Variants in PIF1 observed in about 807,000 individuals in gnomAD.
PIF1 encodes the protein PIF1 5'-to-3' DNA helicase, also known as ATP-dependent DNA helicase PIF1.
Under a neutral mutation model 62.3 loss-of-function variants are expected in PIF1, and 67 were observed. The ratio of observed to expected loss-of-function variants is 1.08; its 90% CI spans 0.88 to 1.32. The LOEUF (loss-of-function observed/expected upper bound fraction) is 1.32. PIF1 is among the 40% of genes most tolerant of loss of function. The probability of loss-of-function intolerance (pLI) is 0.00; values close to 1 mark genes in which losing one functional copy is unlikely to be tolerated. For synonymous variants in PIF1, 364 were observed against 379.5 expected, an observed-to-expected ratio of 0.96 and a Z score of 0.47; for missense variants, 886 against 866.1, an observed-to-expected ratio of 1.02 and a Z score of -0.29.
At chr15:64,821,786 C>T (rs2084294155) in intron 4 of PIF1, 4 of 405,928 alleles carry the variant, frequency 9.9e-6, no homozygotes, top group Non-Finnish European at 1.8e-5. Flanking sequence ...GTCGCCCAGG[C>T]TCAAGTGCAG....
In PIF1 at chr15:64,815,949, C is replaced by T. The variant is rs1369480854; in HGVS notation, c.*349G>A. ...CTTCATTGCCTCTCCCTTCTGCAGC[C>T]TGAAAGGAGGGATGTTCAGGACTCT... On this transcript the variant is annotated 3_prime_UTR_variant, in exon 13 of 13. Transcript: ENST00000559239. 6.5e-7 allele frequency: 1 copy of T among 1,548,626 alleles called. No individual in the cohort carries two copies.
At chr15:64,819,022 T>C in intron 9 of PIF1, 95 bp downstream of exon 9, 1 of 868,002 alleles carries the variant, frequency 1.2e-6, no homozygotes, top group Non-Finnish European at 1.7e-6. Context: ...CTGGGCCCAC[T>C]GGCTGCAGAG....
chr15:64,823,256 T>C, intron 2 of PIF1: 1 of 150,312 alleles, frequency 6.7e-6, no homozygotes, highest in Non-Finnish European at 1.5e-5. Flanking sequence ...GCTCTCTCTT[T>C]TTTTTTTTTG....
rs2084169473 is a variant in PIF1, at chr15:64,815,726, G to C, written c.*572C>G. Reference sequence around the variant, plus strand: ...CAAACACTATTTATCCCCTGAAAAAGCAGCTTAAAATATGGGTGCACATTT... The same window carrying C: ...CAAACACTATTTATCCCCTGAAAAACCAGCTTAAAATATGGGTGCACATTT... On this transcript the variant is annotated 3_prime_UTR_variant, in exon 13 of 13. Transcript: ENST00000559239. The C allele has an allele frequency of 1.1e-5, 17 of 1,550,454 alleles. No individual in the cohort carries two copies. Among genetic ancestry groups the C allele is most frequent in the Non-Finnish European group, 1.4e-5 (16 of 1,147,006 alleles).
Position 64,821,080 on chromosome 15 carries a change from G to T in PIF1, c.1095C>A (p.Ser365Arg), listed in dbSNP as rs768773801. The T allele has an allele frequency of 1.2e-5, 20 of 1,613,924 alleles. No individual in the cohort carries two copies. Among genetic ancestry groups the T allele is most frequent in the Non-Finnish European group, 1.7e-5 (20 of 1,179,872 alleles). ...GGGTCACTGGCACACACCTCTTCCAGCTCTTGGACTGGTGGGGGCAGGGTG... is the reference window on the plus strand; with the variant it reads ...GGGTCACTGGCACACACCTCTTCCATCTCTTGGACTGGTGGGGGCAGGGTG... ...QPPRFCFQSKSWKRCVPVTLE... is the reference protein window; with the variant it reads ...QPPRFCFQSKRWKRCVPVTLE... Residue 365 changes from serine to arginine, a missense_variant, in exon 7 of 13, where the codon AGC becomes AGA. Coordinates refer to ENST00000559239, the MANE Select transcript of PIF1 (RefSeq NM_001286496.2).
At chr15:64,816,814 T>C in intron 11 of PIF1, 49 bp from the exon 12 acceptor site, 2 of 1,512,758 alleles carry the variant, frequency 1.3e-6, no homozygotes, top group Non-Finnish European at 8.9e-7. Context: ...TTAAGTCCCT[T>C]GCCCCGAAAG....
Position 64,823,930 on chromosome 15 carries a change from G to A in PIF1, c.406C>T (p.Arg136Ter), listed in dbSNP as rs1232204288. The change falls in exon 2 of 13, where the codon CGA (arginine) becomes TGA (stop). Residue 136 changes from arginine (R) to a stop codon, truncating the protein, a stop_gained. Coordinates refer to ENST00000559239, the MANE Select transcript of PIF1 (RefSeq NM_001286496.2). LOFTEE classifies it high-confidence loss of function. ...AAPGPGPASARAQLLGPRPRD... is the reference protein window; with the variant it reads ...AAPGPGPASA ...GGCCGCGGGCCCAGCAGCTGCGCTCGGGCGGAGGCCGGCCCGGGACCCGGG... is the reference window on the plus strand; with the variant it reads ...GGCCGCGGGCCCAGCAGCTGCGCTCAGGCGGAGGCCGGCCCGGGACCCGGG... 9 of 1,320,084 alleles carry A rather than the reference G, an allele frequency of 6.8e-6. No individual in the cohort carries two copies. The African/African-American group carries it at 1.1e-4, about 16-fold the overall frequency. 81.8% of individuals were successfully genotyped at this position (1,320,084 alleles called of 1,614,324 possible). A position where few individuals can be genotyped will look rare whatever the true frequency, so the allele number is the denominator to read the frequency against.
rs573460978 is a variant in PIF1 at position 64,822,000 on chromosome 15, A to G, written c.817+266T>C. The G allele has an allele frequency of 1.5e-3, 657 of 433,792 alleles. 4 individuals carry two copies. Among genetic ancestry groups the G allele is most frequent in the Admixed American group, 1.5e-3 (36 of 23,438 alleles). 26.9% of individuals were successfully genotyped at this position (433,792 alleles called of 1,614,324 possible). A position where few individuals can be genotyped will look rare whatever the true frequency, so the allele number is the denominator to read the frequency against. The stretch of plus-strand genomic sequence containing the variant: ...TGTGATCCGCCTGCCTCGGCCTCCC[A>G]AAGTGCTGGGATTACAGGCGTGAGC... On this transcript the variant is annotated intron_variant, in intron 4 of 12. Transcript: ENST00000559239.
At chr15:64,820,168 A>G (rs1027627943) in intron 7 of PIF1, 182 bp from the exon 8 acceptor site, 2 of 687,254 alleles carry the variant, frequency 2.9e-6, no homozygotes, top group South Asian at 1.9e-5. Context: ...GACCCCAAAC[A>G]TGGGGAATAA....
At position 64,816,623 on chromosome 15, in the gene PIF1, C is replaced by T. The variant is rs773939962; in HGVS notation, c.1817G>A (p.Arg606His). Residue 606 changes from arginine (R) to histidine (H), a missense_variant, in exon 12 of 13, where the codon CGT becomes CAT. Physicochemically the swap from Arg to His is conservative, Grantham distance 29. Coordinates refer to ENST00000559239, the MANE Select transcript of PIF1 (RefSeq NM_001286496.2). ...FDPMAVRCDP[R>H]VLHFYATLRR... is the part of the protein sequence containing the mutation. ...CAGGGTGGCATAGAAGTGCAGCACA[C>T]GGGGGTCACAGCGAACCGCCATGGG... is the stretch of plus-strand genomic sequence containing the variant. The T allele has an allele frequency of 2.5e-5, 40 of 1,614,040 alleles. No individual in the cohort carries two copies. Among genetic ancestry groups the T allele is most frequent in the South Asian group, 1.3e-4 (12 of 91,084 alleles).
intron 1 of PIF1, among the ~76,000 whole-genome samples, chr15:64,824,560 C>T (rs889586418): frequency 6.6e-6 from 1 of 152,092 alleles, no homozygotes; most frequent in African/African-American, 2.4e-5. Flanking sequence ...TTAGAATATG[C>T]CCTGGGCCGG....
At position 64,825,000 on chromosome 15, in the gene PIF1, C is replaced by T. The variant is rs1033879248; in HGVS notation, c.-20+569G>A. Among the ~76,000 whole-genome samples the T allele has an allele frequency of 2.5e-4, 38 of 149,226 alleles. No individual in the cohort carries two copies. The Middle Eastern group carries it at 0.014, about 55-fold the overall frequency. ...TATATATACAATTTCTATATATATA[C>T]ACACACACACACACACACATATACA... is the stretch of plus-strand genomic sequence containing the variant. On this transcript the variant is annotated intron_variant, in intron 1 of 12. Coordinates refer to ENST00000559239, the MANE Select transcript of PIF1 (RefSeq NM_001286496.2).
At chr15:64,826,663 T>TACAC (rs1243953652), upstream of PIF1, among the ~76,000 whole-genome samples, 2,053 of 27,122 alleles carry the variant, frequency 0.076, 25 homozygotes, top group Non-Finnish European at 0.11. Flanking sequence ...TATATATATA[T>TACAC]ATACACACAC....
intron 2 of PIF1, chr15:64,823,459 G>A: frequency 4.6e-6 from 1 of 219,348 alleles, no homozygotes; most frequent in Non-Finnish European, 8.9e-6. Flanking sequence ...TGTTGGCCAG[G>A]CTGGCCTCAG....
At chr15:64,822,762 C>T in intron 2 of PIF1, 152 bp from the exon 3 acceptor site, 1 of 1,198,338 alleles carries the variant, frequency 8.3e-7, no homozygotes, top group Non-Finnish European at 1.1e-6. Context: ...GAGAGCTTGC[C>T]AGCAACTATT....
intron 2 of PIF1, among the ~76,000 whole-genome samples, chr15:64,822,901 A>G (rs1047163984): frequency 2.0e-5 from 3 of 152,018 alleles, no homozygotes; most frequent in East Asian, 1.9e-4. Context: ...TCCTGTCACT[A>G]AAGTTTCCTT....
In PIF1 at chr15:64,824,275, C is replaced by G. The variant is rs1355389601; in HGVS notation, c.61G>C (p.Val21Leu). The G allele has an allele frequency of 1.0e-5, 13 of 1,279,204 alleles. No individual in the cohort carries two copies. Among genetic ancestry groups the G allele is most frequent in the Admixed American group, 4.0e-5 (1 of 25,180 alleles). The allele number at this position is 1,279,204 out of a possible 1,614,324, so 79.2% of individuals were successfully genotyped here. Residue 21 changes from valine to leucine, a missense_variant, in exon 2 of 13, where the codon GTG (valine) becomes CTG (leucine). By Grantham distance (32) the Val-to-Leu change is conservative. Transcript: ENST00000559239. ...EYEDSELRCR[V>L]AVEELSPGGQ... ...CCCGGGCTCAGCTCCTCCACAGCCA[C>G]GCGGCACCGCAGCTCCGAGTCCTCA...
chr15:64,821,084 T>G lies in PIF1; in HGVS notation c.1091A>C (p.Lys364Thr), dbSNP rs748001056. Residue 364 changes from lysine to threonine, a missense_variant, in exon 7 of 13, where the codon AAG (lysine) becomes ACG (threonine). Physicochemically the swap from Lys to Thr is moderately conservative, Grantham distance 78 (BLOSUM62 -1). Transcript: ENST00000559239. ...SQPPRFCFQS[K>T]SWKRCVPVTL... ...CACTGGCACACACCTCTTCCAGCTCTTGGACTGGTGGGGGCAGGGTGGGGG... is the reference window on the plus strand; with the variant it reads ...CACTGGCACACACCTCTTCCAGCTCGTGGACTGGTGGGGGCAGGGTGGGGG... The G allele has an allele frequency of 2.5e-6, 4 of 1,613,850 alleles. No individual in the cohort carries two copies. Among genetic ancestry groups the G allele is most frequent in the Non-Finnish European group, 3.4e-6 (4 of 1,179,834 alleles).
chr15:64,819,050 T>A (rs1595813448), intron 9 of PIF1, 67 bp downstream of exon 9: 7 of 1,230,124 alleles, frequency 5.7e-6, no homozygotes, highest in Non-Finnish European at 7.8e-6. Flanking sequence ...GGCAGAGGGG[T>A]AGGGATCAGC....
Sources: gnomAD v4.1 joint callset for allele counts (sites outside exome capture counted in the v4.1 genomes callset) on GRCh38, gnomAD v4.1.1 for gene constraint, MANE v1.5 for transcripts, NCBI Gene and HGNC (gene_info 2026-07-23, HGNC 2026-07-21) for gene names.